The following LPCAT2 variants were observed in gnomAD, a reference collection of about 807,000 sequenced individuals.
The protein encoded by LPCAT2 is lysophosphatidylcholine acyltransferase 2.
In LPCAT2, 58 loss-of-function variants were observed where a neutral mutation model predicts 64.7. The observed-to-expected ratio is 0.90, with a 90% CI of 0.73 to 1.12. The LOEUF (loss-of-function observed/expected upper bound fraction) is 1.12, where lower values mean the gene tolerates loss of function less well. Ranked by LOEUF, LPCAT2 falls within the 50% of genes most tolerant of loss-of-function variation. The pLI, the probability that LPCAT2 is intolerant of heterozygous loss-of-function variation, is 0.00. For synonymous variants in LPCAT2, 252 were observed against 245.3 expected, an observed-to-expected ratio of 1.03 and a Z score of -0.26; for missense variants, 579 against 669.8, an observed-to-expected ratio of 0.86 and a Z score of 1.50.
Position 55,585,841 on chromosome 16 carries a change from C to T in LPCAT2, c.*2743C>T, listed in dbSNP as rs1391193751. The T allele has an allele frequency of 6.6e-6, 1 of 152,134 alleles. No individual in the cohort carries two copies. Among genetic ancestry groups the T allele is most frequent in the Admixed American group, 6.5e-5 (1 of 15,270 alleles). 9.4% of individuals were successfully genotyped at this position (152,134 alleles called of 1,614,324 possible). A position where few individuals can be genotyped will look rare whatever the true frequency, so the allele number is the denominator to read the frequency against. ...GGCACAGCAGTAAAGCTCTTTGATT[C>T]CCAGAATCAAGAACTCTCCCCTTCA... is the stretch of plus-strand genomic sequence containing the variant. On this transcript the variant is annotated 3_prime_UTR_variant, in exon 14 of 14. Coordinates refer to ENST00000262134, the MANE Select transcript of LPCAT2 (RefSeq NM_017839.5).
chr16:55,517,891 A>C (rs1479642587), intron 1 of LPCAT2, among the ~76,000 whole-genome samples: 1 of 152,234 alleles, frequency 6.6e-6, no homozygotes, highest in Non-Finnish European at 1.5e-5. Flanking sequence ...TTCTAAGATA[A>C]GGAATAAGAC....
chr16:55,574,887 A>T (rs1276727661), intron 12 of LPCAT2, among the ~76,000 whole-genome samples, 158 bp downstream of exon 12: 3 of 152,234 alleles, frequency 2.0e-5, no homozygotes, highest in Non-Finnish European at 4.4e-5. Context: ...GCTACTAAGA[A>T]TAAAGAAAAC....
chr16:55,559,418 T>A (rs771926388), intron 11 of LPCAT2, among the ~76,000 whole-genome samples: 20 of 152,314 alleles, frequency 1.3e-4, no homozygotes, highest in Admixed American at 1.2e-3. Flanking sequence ...TGTGTTTCTT[T>A]ATTCCAAGTT....
chr16:55,534,627 T>C, intron 7 of LPCAT2, 150 bp downstream of exon 7: 1 of 441,324 alleles, frequency 2.3e-6, no homozygotes, highest in Non-Finnish European at 4.1e-6. Flanking sequence ...CCCTAAGTCT[T>C]ATAACTGATA....
chr16:55,549,248 A>G (rs1963488418), intron 9 of LPCAT2, 29 bp from the exon 10 acceptor site: 3 of 1,504,834 alleles, frequency 2.0e-6, no homozygotes, highest in African/African-American at 2.9e-5. Context: ...AAAAAAAATG[A>G]ATTTTAGTTT....
In LPCAT2 at chr16:55,551,064, T is replaced by A. The variant is rs771320906; in HGVS notation, c.1177T>A (p.Ser393Thr). 1 of 1,612,932 alleles carries A rather than the reference T, an allele frequency of 6.2e-7. No individual in the cohort carries two copies. The highest frequency in any genetic ancestry group is 1.7e-5 in the Admixed American group (1 of 59,952). ...EFAKYLKLPV[S>T]DVLRQLFALF... Reference sequence around the variant, plus strand: ...CGCCAAGTATTTAAAGTTGCCTGTTTCAGATGTCTTGAGACAACTTTTTGC... The same window carrying A: ...CGCCAAGTATTTAAAGTTGCCTGTTACAGATGTCTTGAGACAACTTTTTGC... Residue 393 changes from serine (S) to threonine (T), a missense_variant, in exon 11 of 14, where the codon TCA becomes ACA. Ser to Thr is a moderately conservative substitution (Grantham distance 58). Coordinates refer to ENST00000262134, the MANE Select transcript of LPCAT2 (RefSeq NM_017839.5).
chr16:55,521,521 TAAGAA>T (rs1963095694), intron 1 of LPCAT2, among the ~76,000 whole-genome samples: 2 of 151,592 alleles, frequency 1.3e-5, no homozygotes, highest in Admixed American at 6.6e-5. Context: ...AAAGACATTA[TAAGAA>T]AAGAAAATTA....
chr16:55,579,719 A>G (rs1443314186), intron 13 of LPCAT2, among the ~76,000 whole-genome samples: 1 of 152,212 alleles, frequency 6.6e-6, no homozygotes, highest in Non-Finnish European at 1.5e-5. Context: ...GTAAAGGAAC[A>G]TGGACTGAGG....
intron 7 of LPCAT2, among the ~76,000 whole-genome samples, chr16:55,535,967 G>T (rs1963318922): frequency 6.6e-6 from 1 of 152,132 alleles, no homozygotes; most frequent in South Asian, 2.1e-4. Context: ...AGGAAATTAG[G>T]AGAAAGAATT....
chr16:55,570,086 T>A lies in LPCAT2; in HGVS notation c.1216-4545T>A, dbSNP rs192988086. 2.4e-4 allele frequency among the ~76,000 whole-genome samples: 36 copies of A among 152,330 alleles called. 1 individual carries two copies. The highest frequency in any genetic ancestry group is 2.4e-3 in the Admixed American group (36 of 15,306). ...ATAAAAATATGTGAAATTATACATCTACATTTTTAAATTTCAAAAGATCCC... is the reference window on the plus strand; with the variant it reads ...ATAAAAATATGTGAAATTATACATCAACATTTTTAAATTTCAAAAGATCCC... On this transcript the variant is annotated intron_variant, in intron 11 of 13. Coordinates refer to ENST00000262134, the MANE Select transcript of LPCAT2 (RefSeq NM_017839.5).
chr16:55,528,604 TGTAAG>T lies in LPCAT2; in HGVS notation c.529+15_529+19del, dbSNP rs759826980. The T allele has an allele frequency of 1.5e-5, 23 of 1,584,774 alleles. No individual in the cohort carries two copies. The highest frequency in any genetic ancestry group is 2.2e-5 in the East Asian group (1 of 44,740). ...GTCCCTCTGATTGGCAGTAAGTACT[TGTAAG>T]GTAACGTAGATAAAATATTTTCATG... On this transcript the variant is annotated intron_variant, in intron 3 of 13. Transcript: ENST00000262134.
chr16:55,512,102 C>T (rs969100300), intron 1 of LPCAT2, among the ~76,000 whole-genome samples: 2 of 152,182 alleles, frequency 1.3e-5, no homozygotes, highest in African/African-American at 4.8e-5. Flanking sequence ...AGAAAAATCT[C>T]CTGGATCCAA....
chr16:55,529,548 C>T (rs1214706548), intron 3 of LPCAT2, among the ~76,000 whole-genome samples: 2 of 152,054 alleles, frequency 1.3e-5, no homozygotes, highest in Admixed American at 1.3e-4. Flanking sequence ...TGTAGCATAT[C>T]CCAAAGGTTT....
intron 1 of LPCAT2, among the ~76,000 whole-genome samples, chr16:55,522,777 G>A (rs1963115542): frequency 6.6e-6 from 1 of 151,500 alleles, no homozygotes; most frequent in African/African-American, 2.4e-5. Context: ...AATGAACCTT[G>A]ATCCATACTG....
At chr16:55,557,159 G>T (rs1324568113) in intron 11 of LPCAT2, 2 of 152,112 alleles carry the variant, frequency 1.3e-5, no homozygotes, top group African/African-American at 4.8e-5. Context: ...CAACATACTG[G>T]AAGGTAGAGA....
intron 11 of LPCAT2, among the ~76,000 whole-genome samples, chr16:55,569,947 T>C (rs551530343): frequency 2.0e-5 from 3 of 152,336 alleles, no homozygotes; most frequent in East Asian, 3.9e-4. Context: ...CTGCTCTATA[T>C]GCAAGACTAT....
At position 55,549,368 on chromosome 16, in the gene LPCAT2, C is replaced by A; in HGVS notation, c.1027C>A (p.Leu343Met). ...GCTAACATTGCCTATGGAAGCTGGGCTGGTGGAATTTACTAAAATTAGCCG... is the reference window on the plus strand; with the variant it reads ...GCTAACATTGCCTATGGAAGCTGGGATGGTGGAATTTACTAAAATTAGCCG... ...GQLTLPMEAGLVEFTKISRKL... is the reference protein window; with the variant it reads ...GQLTLPMEAGMVEFTKISRKL... The change falls in exon 10 of 14, where the codon CTG becomes ATG. Residue 343 changes from leucine (L) to methionine (M), a missense_variant. Coordinates refer to ENST00000262134, the MANE Select transcript of LPCAT2 (RefSeq NM_017839.5). 6.3e-7 allele frequency: 1 copy of A among 1,597,308 alleles called. No homozygotes were observed. The highest frequency in any genetic ancestry group is 8.5e-7 in the Non-Finnish European group (1 of 1,174,570).
At chr16:55,556,161 A>T (rs1298831385) in intron 11 of LPCAT2, among the ~76,000 whole-genome samples, 2 of 152,172 alleles carry the variant, frequency 1.3e-5, no homozygotes, top group African/African-American at 4.8e-5. Flanking sequence ...AATTAGAGGT[A>T]CCTTTTTACT....
intron 11 of LPCAT2, among the ~76,000 whole-genome samples, chr16:55,572,053 A>G (rs1438558621): frequency 6.6e-6 from 1 of 152,142 alleles, no homozygotes; most frequent in East Asian, 1.9e-4. Flanking sequence ...TTTCCTTCAT[A>G]TTACTAGGAT....
Sources: gnomAD v4.1 joint callset for allele counts (sites outside exome capture counted in the v4.1 genomes callset) on GRCh38, gnomAD v4.1.1 for gene constraint, MANE v1.5 for transcripts, NCBI Gene and HGNC (gene_info 2026-07-23, HGNC 2026-07-21) for gene names.